CPEB1: variants seen among roughly 807,000 people sequenced by gnomAD.
CPEB1 encodes the protein cytoplasmic polyadenylation element binding protein 1, also known as cytoplasmic polyadenylation element-binding protein 1.
CPEB1 carries 7 observed loss-of-function variants against 65.8 expected under a neutral mutation model. The ratio of observed to expected loss-of-function variants is 0.11; its 90% confidence interval spans 0.06 to 0.20. The LOEUF is 0.20. Among genes scored for constraint, CPEB1 ranks in the 10% least tolerant of loss-of-function variants. CPEB1 has a pLI of 1.00. For synonymous variants in CPEB1, 262 were observed against 260.0 expected, an observed-to-expected ratio of 1.01 and a Z score of -0.08; for missense variants, 551 against 712.2, an observed-to-expected ratio of 0.77 and a Z score of 2.58.
chr15:82,647,570 G>C, upstream of CPEB1: 1 of 312,416 alleles, frequency 3.2e-6, no homozygotes, highest in Non-Finnish European at 5.9e-6. Flanking sequence ...GCTCGAGGCC[G>C]CCTGGAGGCC....
chr15:82,571,030 G>A (rs1020148758), intron 4 of CPEB1, among the ~76,000 whole-genome samples: 11 of 152,150 alleles, frequency 7.2e-5, no homozygotes, highest in African/African-American at 2.7e-4. Context: ...TGGGCACCAG[G>A]GGGTTAGCTG....
At chr15:82,545,581 TA>T (rs2035037416) in intron 12 of CPEB1, among the ~76,000 whole-genome samples, 1 of 152,140 alleles carries the variant, frequency 6.6e-6, no homozygotes, top group Non-Finnish European at 1.5e-5. Flanking sequence ...AATCAGAATC[TA>T]AGATCCTCAG....
intron 3 of CPEB1, among the ~76,000 whole-genome samples, chr15:82,625,803 A>C (rs2151311601): frequency 6.6e-6 from 1 of 152,208 alleles, no homozygotes; most frequent in Middle Eastern, 3.4e-3. Flanking sequence ...TTAAAAATTA[A>C]ACATATATTC....
intron 1 of CPEB1, among the ~76,000 whole-genome samples, chr15:82,636,044 C>A (rs1306996377): frequency 6.6e-6 from 1 of 152,174 alleles, no homozygotes; most frequent in African/African-American, 2.4e-5. Flanking sequence ...CCTCTCCCTG[C>A]ATCACCTGAC....
chr15:82,629,057 TA>T, intron 1 of CPEB1: 1 of 160,824 alleles, frequency 6.2e-6, no homozygotes, highest in Non-Finnish European at 1.3e-5. Flanking sequence ...TCAACTGGAC[TA>T]AAAACCAATG....
chr15:82,632,526 T>C (rs1176142965), intron 1 of CPEB1, among the ~76,000 whole-genome samples: 1 of 151,646 alleles, frequency 6.6e-6, no homozygotes, highest in Non-Finnish European at 1.5e-5. Context: ...CACACACACA[T>C]TTTTTAAGAG....
At chr15:82,587,183 A>G (rs2041871391) in intron 3 of CPEB1, among the ~76,000 whole-genome samples, 1 of 152,234 alleles carries the variant, frequency 6.6e-6, no homozygotes, top group Non-Finnish European at 1.5e-5. Flanking sequence ...TGAGCCATTT[A>G]GGTAATTTTT....
chr15:82,614,108 G>A (rs2044454262), intron 3 of CPEB1, among the ~76,000 whole-genome samples: 1 of 152,124 alleles, frequency 6.6e-6, no homozygotes, highest in Admixed American at 6.6e-5. Context: ...TGCTGGAAAG[G>A]GACTGGCCTC....
chr15:82,557,599 A>T (rs2037448300), intron 5 of CPEB1, 161 bp downstream of exon 5: 4 of 626,636 alleles, frequency 6.4e-6, no homozygotes. Context: ...TAAGGATGAG[A>T]ACTCTACAAA....
chr15:82,595,243 C>T (rs1316072641), intron 3 of CPEB1, among the ~76,000 whole-genome samples: 2 of 152,170 alleles, frequency 1.3e-5, no homozygotes, highest in East Asian at 1.9e-4. Context: ...TGGATTGTTT[C>T]CACATTTGGG....
intron 3 of CPEB1, among the ~76,000 whole-genome samples, chr15:82,581,386 T>C (rs1016135350): frequency 6.6e-6 from 1 of 152,228 alleles, no homozygotes; most frequent in African/African-American, 2.4e-5. Flanking sequence ...TTTTGACTAT[T>C]GTAAATAGTA....
rs930264464 is a variant in CPEB1, at chr15:82,632,911, C to T, written c.-97-4355G>A. ...ACAGAAACCTACTATCCACCCCATA[C>T]TCACAGACCCATTTACTTTGTGTAG... is the stretch of plus-strand genomic sequence containing the variant. On this transcript the variant is annotated intron_variant, in intron 1 of 12. Coordinates refer to ENST00000684509, the MANE Select transcript of CPEB1 (RefSeq NM_001365242.1). 7.2e-5 allele frequency among the ~76,000 whole-genome samples: 11 copies of T among 152,204 alleles called. No individual in the cohort carries two copies. In the East Asian group the frequency reaches 1.9e-3, roughly 27 times the overall value.
upstream of CPEB1, chr15:82,648,343 G>C (rs936675949): frequency 6.5e-6 from 1 of 154,032 alleles, no homozygotes; most frequent in African/African-American, 2.4e-5. Context: ...CCTCGTGTCC[G>C]CGCTCCTTCT....
At chr15:82,552,044 G>A (rs746630180) in intron 9 of CPEB1, among the ~76,000 whole-genome samples, 14 of 152,166 alleles carry the variant, frequency 9.2e-5, no homozygotes, top group Non-Finnish European at 1.8e-4. Context: ...GGGCTAAAGA[G>A]GAATTCACCC....
At chr15:82,580,946 G>C (rs538986479) in intron 3 of CPEB1, among the ~76,000 whole-genome samples, 1 of 151,616 alleles carries the variant, frequency 6.6e-6, no homozygotes, top group African/African-American at 2.4e-5. Context: ...CAGCCTCCCA[G>C]GATCAAGCAG....
rs1030220938 is a variant in CPEB1 at position 82,544,662 on chromosome 15, C to T, written c.1697G>A (p.Arg566Gln). 1 of 1,613,414 alleles carries T rather than the reference C, an allele frequency of 6.2e-7. No individual in the cohort carries two copies. Among genetic ancestry groups the T allele is most frequent in the Non-Finnish European group, 8.5e-7 (1 of 1,179,848 alleles). ...KYFCRSCWHW[R>Q]HSMEGLRHHS... ...GTGGCGCAGGCCCTCCATGCTGTGC[C>T]GCCAGTGCCAGCAGCTCCGGCAGAA... The change falls in exon 13 of 13, where the codon CGG becomes CAG. Residue 566 changes from arginine to glutamine, a missense_variant. Arg to Gln is a conservative substitution (Grantham distance 43). Around this residue, in one of 6 missense-constraint regions of CPEB1, gnomAD observed 98 missense variants for 157.6 expected, o/e 0.62. Transcript: ENST00000684509.
Position 82,547,200 on chromosome 15 carries a change from G to A in CPEB1, c.1518C>T (p.Tyr506=). 2 of 1,612,932 alleles carry A rather than the reference G, an allele frequency of 1.2e-6. No individual in the cohort carries two copies. Among genetic ancestry groups the A allele is most frequent in the Non-Finnish European group, 8.5e-7 (1 of 1,179,472 alleles). Residue 506 remains tyrosine (Y), a synonymous_variant, in exon 11 of 13, where the codon TAC becomes TAT. Coordinates refer to ENST00000684509, the MANE Select transcript of CPEB1 (RefSeq NM_001365242.1). ...GRVTFNNQRS[Y]LKAVSAAFVE... ...CAAAAGCAGCGCTGACTGCTTTCAG[G>A]TAACTCCGTTGGTTATTGAAAGTCA...
chr15:82,547,271 A>G, intron 10 of CPEB1, 34 bp from the exon 11 acceptor site: 1 of 1,130,760 alleles, frequency 8.8e-7, no homozygotes. Flanking sequence ...CCTTCTAACC[A>G]AATTCTCCCA....
chr15:82,643,722 A>C lies in CPEB1; in HGVS notation c.-98+3415T>G, dbSNP rs372173708. 2.9e-4 allele frequency among the ~76,000 whole-genome samples: 44 copies of C among 152,250 alleles called. No homozygotes were observed. The East Asian group carries it at 6.2e-3, about 21-fold the overall frequency. On this transcript the variant is annotated intron_variant, in intron 1 of 12. Coordinates refer to ENST00000684509, the MANE Select transcript of CPEB1 (RefSeq NM_001365242.1). ...GGCTGTGTACAATGCTGGGATTCTA[A>C]GTTTTATCCAGAATTGAAACCCCAG...
Sources: gnomAD v4.1 joint callset for allele counts (sites outside exome capture counted in the v4.1 genomes callset) on GRCh38, gnomAD v4.1.1 for gene constraint, gnomAD v4.1.1 regional missense constraint, MANE v1.5 for transcripts, NCBI Gene and HGNC (gene_info 2026-07-23, HGNC 2026-07-21) for gene names.